PRKCE: variants seen among roughly 807,000 people sequenced by gnomAD.
PRKCE encodes protein kinase C epsilon, also known as protein kinase C epsilon type.
Under a neutral mutation model 85.4 loss-of-function variants are expected in PRKCE, and 16 were observed. That is an observed-to-expected ratio of 0.19 (90% CI 0.13 to 0.28). The LOEUF is 0.28. PRKCE is among the 10% of genes least tolerant of loss of function. PRKCE has a pLI of 1.00. For missense variants in PRKCE, 573 were observed against 975.2 expected (o/e 0.59, Z 5.49); for synonymous variants, 388 against 371.5 (o/e 1.04, Z -0.51).
In PRKCE at chr2:46,067,251, G is replaced by A. The variant is rs572107925; in HGVS notation, c.1438-18957G>A. 1.1e-4 allele frequency among the ~76,000 whole-genome samples: 16 copies of A among 152,284 alleles called. 1 individual carries two copies. The South Asian group carries it at 2.9e-3, about 28-fold the overall frequency. ...ATCACCATATCCTATTTGAACAAGTGCCAAATGAATGACGTGCATTATATA... is the reference window on the plus strand; with the variant it reads ...ATCACCATATCCTATTTGAACAAGTACCAAATGAATGACGTGCATTATATA... On this transcript the variant is annotated intron_variant, in intron 10 of 14. Transcript: ENST00000306156.
intron 10 of PRKCE, among the ~76,000 whole-genome samples, chr2:46,084,742 A>G (rs1393436310): frequency 3.5e-5 from 5 of 143,102 alleles, no homozygotes; most frequent in Non-Finnish European, 7.7e-5. Flanking sequence ...AAAAAAAAAG[A>G]ATGTGCTCTG....
At chr2:45,964,253 C>T (rs893071669) in intron 2 of PRKCE, among the ~76,000 whole-genome samples, 1 of 152,206 alleles carries the variant, frequency 6.6e-6, no homozygotes, top group Non-Finnish European at 1.5e-5. Flanking sequence ...ACTTTTAATC[C>T]TGCTGTCCAC....
chr2:45,970,509 T>C (rs1702037467), intron 2 of PRKCE, among the ~76,000 whole-genome samples: 1 of 152,168 alleles, frequency 6.6e-6, no homozygotes, highest in African/African-American at 2.4e-5. Flanking sequence ...TCCTGGATGC[T>C]ACATAAATGT....
At chr2:45,815,366 CT>C (rs1168315936) in intron 1 of PRKCE, among the ~76,000 whole-genome samples, 1 of 152,182 alleles carries the variant, frequency 6.6e-6, no homozygotes, top group Non-Finnish European at 1.5e-5. Context: ...ATTCTGAATC[CT>C]TTGTTCTCCT....
intron 2 of PRKCE, among the ~76,000 whole-genome samples, chr2:45,884,180 G>T (rs1695076981): frequency 1.3e-5 from 2 of 152,224 alleles, no homozygotes; most frequent in South Asian, 2.1e-4. Flanking sequence ...GAGAGGCCTG[G>T]CATCTCAGCC....
At chr2:46,012,903 T>C (rs1705808860) in intron 10 of PRKCE, among the ~76,000 whole-genome samples, 2 of 152,210 alleles carry the variant, frequency 1.3e-5, no homozygotes, top group South Asian at 4.1e-4. Flanking sequence ...CTAACATGGA[T>C]GTTGTCATGG....
chr2:45,892,866 G>T (rs147723425), intron 2 of PRKCE, among the ~76,000 whole-genome samples: 1 of 152,142 alleles, frequency 6.6e-6, no homozygotes, highest in African/African-American at 2.4e-5. Context: ...CAGAAAGAGC[G>T]ACCAGAAATG....
intron 1 of PRKCE, among the ~76,000 whole-genome samples, chr2:45,694,347 T>C (rs540696420): frequency 3.3e-5 from 5 of 152,118 alleles, no homozygotes; most frequent in Admixed American, 2.6e-4. Context: ...TAGATCTGAA[T>C]TTTTGGATCT....
At chr2:45,908,441 C>G (rs943120007) in intron 2 of PRKCE, among the ~76,000 whole-genome samples, 2 of 152,192 alleles carry the variant, frequency 1.3e-5, no homozygotes, top group Non-Finnish European at 2.9e-5. Flanking sequence ...GACTGCTCCA[C>G]TCTCTCTCGC....
At chr2:45,835,107 T>A (rs762734366) in intron 1 of PRKCE, among the ~76,000 whole-genome samples, 1 of 152,364 alleles carries the variant, frequency 6.6e-6, no homozygotes, top group South Asian at 2.1e-4. Context: ...TTATGTTGTT[T>A]CACAGATGTG....
At chr2:45,657,134 C>T (rs111270818) in intron 1 of PRKCE, among the ~76,000 whole-genome samples, 6 of 152,186 alleles carry the variant, frequency 3.9e-5, no homozygotes, top group African/African-American at 1.4e-4. Flanking sequence ...AGCTCAGTTT[C>T]CTCTTTGTTC....
intron 1 of PRKCE, among the ~76,000 whole-genome samples, chr2:45,674,318 A>G (rs1381414231): frequency 6.6e-6 from 1 of 152,196 alleles, no homozygotes; most frequent in Admixed American, 6.5e-5. Context: ...CTGGTGCTTT[A>G]GAAGAGTGCT....
intron 1 of PRKCE, among the ~76,000 whole-genome samples, chr2:45,794,010 G>T (rs1687222267): frequency 6.6e-6 from 1 of 152,170 alleles, no homozygotes; most frequent in Non-Finnish European, 1.5e-5. Flanking sequence ...GAATCCCAGA[G>T]AGTATGATTC....
chr2:46,103,547 A>G (rs531314646), intron 11 of PRKCE, among the ~76,000 whole-genome samples: 1 of 152,310 alleles, frequency 6.6e-6, no homozygotes, highest in African/African-American at 2.4e-5. Context: ...TGGACCCTTG[A>G]AAAACATGGG....
At chr2:45,930,565 A>G (rs1217073108) in intron 2 of PRKCE, among the ~76,000 whole-genome samples, 1 of 152,224 alleles carries the variant, frequency 6.6e-6, no homozygotes, top group Non-Finnish European at 1.5e-5. Flanking sequence ...CCACCTTCCA[A>G]TTGGAATGCC....
intron 1 of PRKCE, among the ~76,000 whole-genome samples, chr2:45,712,957 A>T (rs1217075194): frequency 2.0e-5 from 3 of 152,226 alleles, no homozygotes; most frequent in Admixed American, 6.5e-5. Context: ...GATTGTGACT[A>T]GATGAATAAT....
intron 1 of PRKCE, among the ~76,000 whole-genome samples, chr2:45,798,334 G>T (rs562920228): frequency 2.0e-5 from 3 of 152,338 alleles, no homozygotes; most frequent in South Asian, 4.1e-4. Flanking sequence ...GCTCCCAAGA[G>T]TTAAGAGTAG....
intron 11 of PRKCE, among the ~76,000 whole-genome samples, chr2:46,095,315 C>T (rs1670578130): frequency 6.6e-6 from 1 of 152,104 alleles, no homozygotes; most frequent in Admixed American, 6.5e-5. Context: ...CAAGTGAAGC[C>T]AGATTAGAGG....
chr2:45,908,655 C>T (rs1697161063), intron 2 of PRKCE, among the ~76,000 whole-genome samples: 1 of 152,164 alleles, frequency 6.6e-6, no homozygotes, highest in Non-Finnish European at 1.5e-5. Context: ...CATCAAAAGC[C>T]ATGACTCATT....
Sources: allele counts gnomAD v4.1 joint callset (sites outside exome capture counted in the v4.1 genomes callset), GRCh38; gene constraint gnomAD v4.1.1; transcripts MANE v1.5; gene names NCBI Gene and HGNC (gene_info 2026-07-23, HGNC 2026-07-21).